CNTNAP2: variants seen among roughly 807,000 people sequenced by gnomAD.
CNTNAP2 encodes contactin associated protein 2.
Under a neutral mutation model 155.2 loss-of-function variants are expected in CNTNAP2, and 98 were observed. The observed-to-expected ratio is 0.63, with a 90% confidence interval of 0.54 to 0.75. The LOEUF is 0.75. Ranked by LOEUF, CNTNAP2 falls within the 30% of genes least tolerant of loss-of-function variation. The probability of loss-of-function intolerance (pLI) is 0.00; values close to 1 mark genes in which losing one functional copy is unlikely to be tolerated. For missense variants in CNTNAP2, 1,727 were observed against 1,688.1 expected (o/e 1.02, Z -0.40); for synonymous variants, 651 against 631.2 (o/e 1.03, Z -0.47).
At chr7:146,663,644 T>G (rs572276319) in intron 1 of CNTNAP2, among the ~76,000 whole-genome samples, 5 of 152,284 alleles carry the variant, frequency 3.3e-5, no homozygotes, top group Non-Finnish European at 5.9e-5. Context: ...AACTGTACTT[T>G]TTCCCTCATT....
intron 1 of CNTNAP2, among the ~76,000 whole-genome samples, chr7:146,433,862 AG>A (rs1796205737): frequency 6.6e-6 from 1 of 152,200 alleles, no homozygotes; most frequent in Non-Finnish European, 1.5e-5. Flanking sequence ...GAAGAAGCCC[AG>A]TCTTACAGGC....
chr7:147,521,885 G>A (rs112548594), intron 11 of CNTNAP2, among the ~76,000 whole-genome samples: 1 of 152,204 alleles, frequency 6.6e-6, no homozygotes, highest in Non-Finnish European at 1.5e-5. Context: ...ATGCAGAACT[G>A]AGAGAGTGGT....
chr7:147,716,188 T>C lies in CNTNAP2; in HGVS notation c.2098+76882T>C, dbSNP rs147946365. Among the ~76,000 whole-genome samples the C allele has an allele frequency of 3.7e-3, 557 of 152,284 alleles. 2 individuals are homozygous for C. Among genetic ancestry groups the C allele is most frequent in the African/African-American group, 0.013 (520 of 41,574 alleles). On this transcript the variant is annotated intron_variant, in intron 13 of 23. Transcript: ENST00000361727. Reference sequence around the variant, plus strand: ...CTTTTTACAAAGTTTGTAAATGCCATGTTGAAGTTACCTTGTTTTCTGGGG... The same window carrying C: ...CTTTTTACAAAGTTTGTAAATGCCACGTTGAAGTTACCTTGTTTTCTGGGG...
At chr7:146,312,454 A>G (rs964478949) in intron 1 of CNTNAP2, among the ~76,000 whole-genome samples, 1 of 152,176 alleles carries the variant, frequency 6.6e-6, no homozygotes, top group Non-Finnish European at 1.5e-5. Flanking sequence ...GACAATATTT[A>G]TGTATATCTG....
intron 1 of CNTNAP2, among the ~76,000 whole-genome samples, chr7:146,376,017 C>T (rs900280252): frequency 2.6e-5 from 4 of 152,084 alleles, no homozygotes; most frequent in Non-Finnish European, 5.9e-5. Flanking sequence ...AAATCATGAG[C>T]GTATAACTGC....
chr7:146,131,738 A>G (rs1797717194), intron 1 of CNTNAP2, among the ~76,000 whole-genome samples: 1 of 152,168 alleles, frequency 6.6e-6, no homozygotes, highest in African/African-American at 2.4e-5. Context: ...CTAGATGATT[A>G]TGCATCTGAT....
At chr7:146,404,485 A>C (rs1023621177) in intron 1 of CNTNAP2, among the ~76,000 whole-genome samples, 1 of 152,176 alleles carries the variant, frequency 6.6e-6, no homozygotes, top group Non-Finnish European at 1.5e-5. Flanking sequence ...AGACTACTGT[A>C]ATAACTTCCT....
intron 1 of CNTNAP2, among the ~76,000 whole-genome samples, chr7:146,620,238 A>G (rs1271505840): frequency 6.6e-6 from 1 of 152,100 alleles, no homozygotes; most frequent in African/African-American, 2.4e-5. Flanking sequence ...CCTGCAGATG[A>G]CATTGCATAT....
intron 1 of CNTNAP2, among the ~76,000 whole-genome samples, chr7:146,307,392 T>C (rs1466611728): frequency 1.3e-5 from 2 of 152,082 alleles, no homozygotes; most frequent in African/African-American, 4.8e-5. Flanking sequence ...ATTGTGAAAA[T>C]TGCCATACTG....
chr7:148,045,355 T>C (rs1802756972), intron 15 of CNTNAP2, among the ~76,000 whole-genome samples: 1 of 152,084 alleles, frequency 6.6e-6, no homozygotes, highest in African/African-American at 2.4e-5. Context: ...CAGCAACAAT[T>C]ACCAGTTTCA....
intron 1 of CNTNAP2, among the ~76,000 whole-genome samples, chr7:146,469,909 G>A (rs1796771103): frequency 6.8e-6 from 1 of 147,110 alleles, no homozygotes; most frequent in Non-Finnish European, 1.5e-5. Flanking sequence ...GAGCAATCTC[G>A]GCTCACTGCA....
chr7:147,097,115 G>GA (rs1235987032), intron 4 of CNTNAP2, among the ~76,000 whole-genome samples: 1 of 152,100 alleles, frequency 6.6e-6, no homozygotes, highest in Non-Finnish European at 1.5e-5. Flanking sequence ...ACAAATAAGA[G>GA]AAAATCATTT....
intron 9 of CNTNAP2, among the ~76,000 whole-genome samples, chr7:147,388,082 G>T (rs2116437004): frequency 6.6e-6 from 1 of 152,264 alleles, no homozygotes; most frequent in South Asian, 2.1e-4. Context: ...TATTCAGTAG[G>T]ATATGATCTG....
chr7:147,648,922 C>T (rs927492688), intron 13 of CNTNAP2, among the ~76,000 whole-genome samples: 1 of 152,182 alleles, frequency 6.6e-6, no homozygotes, highest in Non-Finnish European at 1.5e-5. Context: ...TGCTTGGCCA[C>T]CAAAGTGAGT....
At chr7:147,576,064 C>T (rs2116817825) in intron 12 of CNTNAP2, among the ~76,000 whole-genome samples, 1 of 151,518 alleles carries the variant, frequency 6.6e-6, no homozygotes, top group East Asian at 1.9e-4. Flanking sequence ...TCGAAGAAAC[C>T]CTCAGTTCTT....
chr7:146,365,453 A>T (rs1023608730), intron 1 of CNTNAP2, among the ~76,000 whole-genome samples: 3 of 152,212 alleles, frequency 2.0e-5, no homozygotes, highest in African/African-American at 7.2e-5. Context: ...TAAAACACTT[A>T]TAGTAATTAA....
chr7:147,803,172 C>A (rs1020685748), intron 13 of CNTNAP2, among the ~76,000 whole-genome samples: 3 of 151,966 alleles, frequency 2.0e-5, no homozygotes, highest in Non-Finnish European at 4.4e-5. Context: ...TTAAAAACAC[C>A]CTTTAGAAAT....
intron 1 of CNTNAP2, among the ~76,000 whole-genome samples, chr7:146,578,665 T>A (rs556442101): frequency 1.3e-5 from 2 of 152,276 alleles, no homozygotes; most frequent in South Asian, 4.1e-4. Context: ...AACTTCATTT[T>A]ATCTCTGCTT....
chr7:147,202,853 A>G (rs983701747), intron 8 of CNTNAP2, among the ~76,000 whole-genome samples: 1 of 46,496 alleles, frequency 2.2e-5, no homozygotes, highest in African/African-American at 5.0e-5. Flanking sequence ...AGTATAATTA[A>G]AAAAAAATAT....
Sources: allele counts gnomAD v4.1 joint callset (sites outside exome capture counted in the v4.1 genomes callset), GRCh38; gene constraint gnomAD v4.1.1; transcripts MANE v1.5; gene names NCBI Gene and HGNC (gene_info 2026-07-23, HGNC 2026-07-21).